SAMD5: variants seen among roughly 807,000 people sequenced by gnomAD.
The protein encoded by SAMD5 is sterile alpha motif domain-containing protein 5.
Under a neutral mutation model 11.3 loss-of-function variants are expected in SAMD5, and 13 were observed. The observed-to-expected ratio is 1.15, with a 90% CI of 0.75 to 1.83. SAMD5 has a LOEUF of 1.83. Ranked by LOEUF, SAMD5 falls within the 40% of genes most tolerant of loss-of-function variation. The pLI, the probability that SAMD5 is intolerant of heterozygous loss-of-function variation, is 0.00. For missense variants in SAMD5, 255 were observed against 239.1 expected (o/e 1.07, Z -0.44); for synonymous variants, 129 against 111.3 (o/e 1.16, Z -1.00).
intron 1 of SAMD5, chr6:147,730,112 G>T (rs1305384354): frequency 4.6e-6 from 2 of 435,792 alleles, no homozygotes. Context: ...AAAAGAAAAG[G>T]AAATGGGTAG....
At chr6:147,641,504 G>C (rs1039858151) in intron 1 of SAMD5, among the ~76,000 whole-genome samples, 4 of 152,066 alleles carry the variant, frequency 2.6e-5, no homozygotes, top group South Asian at 2.1e-4. Context: ...TTGCATGTCA[G>C]GACAACCTTT....
the SAMD5 span, among the ~76,000 whole-genome samples, chr6:147,853,831 T>C: frequency 6.6e-6 from 1 of 152,190 alleles, no homozygotes; most frequent in Non-Finnish European, 1.5e-5. Context: ...TAAGTAATAT[T>C]ATTCATTATC....
rs1583154277 is a variant in SAMD5, at chr6:147,723,808, C to T, written c.163-13509C>T. Among the ~76,000 whole-genome samples, 4 of 152,168 alleles carry T rather than the reference C, an allele frequency of 2.6e-5. No homozygotes were observed. In the South Asian group the frequency reaches 8.3e-4, roughly 31 times the overall value. On this transcript the variant is annotated intron_variant, in intron 1 of 1. Coordinates refer to the SAMD5 transcript ENST00000566741. Reference sequence around the variant, plus strand: ...CTTTGGAATTCAACTCACTTGGTTGCCTTGGGACTTTGGCTCTCTGATGGA... The same window carrying T: ...CTTTGGAATTCAACTCACTTGGTTGTCTTGGGACTTTGGCTCTCTGATGGA...
At chr6:147,878,627 A>G in the SAMD5 span, among the ~76,000 whole-genome samples, 2 of 147,978 alleles carry the variant, frequency 1.4e-5, no homozygotes, top group Admixed American at 6.8e-5. Flanking sequence ...ATATGTATAT[A>G]TATCTATATA....
chr6:147,688,370 G>A (rs1791047958), intron 1 of SAMD5, among the ~76,000 whole-genome samples: 1 of 152,108 alleles, frequency 6.6e-6, no homozygotes, highest in Non-Finnish European at 1.5e-5. Flanking sequence ...AAAATGTAGA[G>A]ATAATTTGAG....
Position 147,673,052 on chromosome 6 carries a change from G to C in SAMD5, c.163-64265G>C, listed in dbSNP as rs147867240. ...TTTTCTTGTGTTATTTTGTTGGCTA[G>C]AACTTCTAGAATAATGTTGAATAGT... On this transcript the variant is annotated intron_variant, in intron 1 of 1. Transcript: ENST00000566741. Among the ~76,000 whole-genome samples the C allele has an allele frequency of 6.7e-3, 1,021 of 152,076 alleles. 5 individuals carry two copies. Among genetic ancestry groups the C allele is most frequent in the Non-Finnish European group, 0.011 (777 of 67,988 alleles).
the SAMD5 span, among the ~76,000 whole-genome samples, chr6:147,788,634 G>C: frequency 1.3e-5 from 2 of 152,186 alleles, no homozygotes; most frequent in African/African-American, 4.8e-5. Flanking sequence ...TTGATATAGC[G>C]TAGTGGTTAA....
intron 1 of SAMD5, among the ~76,000 whole-genome samples, chr6:147,528,795 A>G (rs1281286040): frequency 2.6e-5 from 4 of 152,234 alleles, no homozygotes; most frequent in Non-Finnish European, 2.9e-5. Flanking sequence ...AGGAGCAGTC[A>G]CTATTGCAAT....
In SAMD5 at chr6:147,566,509, A is replaced by G. The variant is rs1789043719; in HGVS notation, c.*2053A>G. ...GCTAGGAAGGACTCAATTTTTGAAA[A>G]ATCTGTTATTTTCACTGTGGGCCTT... is the stretch of plus-strand genomic sequence containing the variant. On this transcript the variant is annotated 3_prime_UTR_variant, in exon 2 of 2. Transcript: ENST00000367474. The G allele has an allele frequency of 1.0e-6, 1 of 985,814 alleles. No homozygotes were observed. The highest frequency in any genetic ancestry group is 5.2e-4 in the Middle Eastern group (1 of 1,914). The allele number at this position is 985,814 out of a possible 1,614,324, so 61.1% of individuals were successfully genotyped here. A position where few individuals can be genotyped will look rare whatever the true frequency, so the allele number is the denominator to read the frequency against.
chr6:147,540,903 C>T lies in SAMD5; in HGVS notation c.460-23491C>T, dbSNP rs146438372. Reference sequence around the variant, plus strand: ...AGTGGCTTCTGATGACCCTGCTCACCGCACCATAGCTGTGGGGTTCAAGCC... The same window carrying T: ...AGTGGCTTCTGATGACCCTGCTCACTGCACCATAGCTGTGGGGTTCAAGCC... On this transcript the variant is annotated intron_variant, in intron 1 of 1. Coordinates refer to ENST00000367474, the MANE Select transcript of SAMD5 (RefSeq NM_001030060.3). 2.3e-3 allele frequency among the ~76,000 whole-genome samples: 349 copies of T among 149,874 alleles called. 2 individuals carry two copies. Among genetic ancestry groups the T allele is most frequent in the African/African-American group, 7.9e-3 (320 of 40,602 alleles).
At chr6:147,515,913 A>G (rs1417842617) in intron 1 of SAMD5, among the ~76,000 whole-genome samples, 1 of 152,204 alleles carries the variant, frequency 6.6e-6, no homozygotes, top group Non-Finnish European at 1.5e-5. Context: ...TTATTCCTCA[A>G]GGGTTAATGA....
chr6:147,513,840 C>T (rs116450064), intron 1 of SAMD5, among the ~76,000 whole-genome samples: 4 of 152,126 alleles, frequency 2.6e-5, no homozygotes, highest in African/African-American at 9.6e-5. Context: ...AGATAATGGC[C>T]AGGTAGGACA....
downstream of SAMD5, among the ~76,000 whole-genome samples, chr6:147,571,300 G>T (rs1328386439): frequency 6.6e-6 from 1 of 152,172 alleles, no homozygotes; most frequent in East Asian, 1.9e-4. Flanking sequence ...GAATAGGATG[G>T]TTTATATCGT....
chr6:147,875,812 C>G, the SAMD5 span, among the ~76,000 whole-genome samples: 1 of 152,196 alleles, frequency 6.6e-6, no homozygotes, highest in Non-Finnish European at 1.5e-5. Flanking sequence ...CATCTCCCAT[C>G]AACCCCAGAT....
At chr6:147,781,774 A>ACG in the SAMD5 span, among the ~76,000 whole-genome samples, 1 of 3,640 alleles carries the variant, frequency 2.7e-4, no homozygotes, top group Non-Finnish European at 6.4e-4. Context: ...TTGTGTGCGC[A>ACG]CACACACACA....
the SAMD5 span, among the ~76,000 whole-genome samples, chr6:147,873,083 A>G: frequency 1.6e-3 from 237 of 152,280 alleles, no homozygotes; most frequent in African/African-American, 5.4e-3. Context: ...CTGTATATTA[A>G]AAGTGTAATT....
chr6:147,531,499 C>T (rs1305488489), intron 1 of SAMD5, among the ~76,000 whole-genome samples: 5 of 152,154 alleles, frequency 3.3e-5, no homozygotes, highest in South Asian at 2.1e-4. Flanking sequence ...GCCCCAGGCC[C>T]GGCATAATGC....
the SAMD5 span, among the ~76,000 whole-genome samples, chr6:147,791,359 A>G: frequency 5.3e-5 from 8 of 152,134 alleles, no homozygotes; most frequent in African/African-American, 1.4e-4. Context: ...GTGACTGTCT[A>G]TGCATCTTGA....
the SAMD5 span, among the ~76,000 whole-genome samples, chr6:147,853,002 C>T: frequency 3.3e-5 from 5 of 152,274 alleles, no homozygotes; most frequent in South Asian, 2.1e-4. Context: ...GACTCACTTC[C>T]GGTTTACTGG....
Sources: allele counts gnomAD v4.1 joint callset (sites outside exome capture counted in the v4.1 genomes callset), GRCh38; gene constraint gnomAD v4.1.1; transcripts MANE v1.5; gene names NCBI Gene and HGNC (gene_info 2026-07-23, HGNC 2026-07-21).